Variants in ANOS1 observed in about 807,000 individuals in gnomAD.
ANOS1 encodes anosmin 1, also known as anosmin-1.
Under a neutral mutation model 59.0 loss-of-function variants are expected in ANOS1, and 6 were observed. That is an observed-to-expected ratio of 0.10 (90% CI 0.06 to 0.20). ANOS1 has a LOEUF of 0.20. Ranked by LOEUF, ANOS1 falls within the 10% of genes least tolerant of loss-of-function variation. The pLI is 1.00. For missense variants in ANOS1, 433 were observed against 542.3 expected, an observed-to-expected ratio of 0.80 and a Z score of 2.00; for synonymous variants, 217 against 223.4, an observed-to-expected ratio of 0.97 and a Z score of 0.25.
chrX:8,720,671 G>A (rs1157898359), intron 1 of ANOS1, among the ~76,000 whole-genome samples: 2 of 111,470 alleles, frequency 1.8e-5, no homozygotes, highest in African/African-American at 3.3e-5. Flanking sequence ...GGAGGCTGAT[G>A]CAACAGAATC....
Position 8,530,375 on chromosome X carries a change from T to G in ANOS1, c.*2620A>C, listed in dbSNP as rs1373588774. On this transcript the variant is annotated 3_prime_UTR_variant, in exon 14 of 14. Transcript: ENST00000262648. ...ATATTACAGAATTAGGCACCAAAACTATGTTTGTTAAAAAGCATAGATTTT... is the reference window on the plus strand; with the variant it reads ...ATATTACAGAATTAGGCACCAAAACGATGTTTGTTAAAAAGCATAGATTTT... 8.9e-6 allele frequency: 1 copy of G among 111,983 alleles called. No individual in the cohort carries two copies. The highest frequency in any genetic ancestry group is 1.9e-5 in the Non-Finnish European group (1 of 53,184). The allele number at this position is 111,983 out of a possible 1,213,427, so 9.2% of individuals were successfully genotyped here. A position where few individuals can be genotyped will look rare whatever the true frequency, so the allele number is the denominator to read the frequency against.
intron 4 of ANOS1, among the ~76,000 whole-genome samples, chrX:8,594,658 G>GTATATATATATATATATATA (rs767812487): frequency 2.4e-4 from 8 of 33,550 alleles, no homozygotes; most frequent in Admixed American, 4.6e-4. Context: ...ATATATATGT[G>GTATATATATATATATATATA]TATATATATA....
chrX:8,671,280 C>T (rs1932249925), intron 2 of ANOS1, among the ~76,000 whole-genome samples: 1 of 111,705 alleles, frequency 9.0e-6, no homozygotes, highest in Non-Finnish European at 1.9e-5. Context: ...ATTGTACGTG[C>T]TCTTCTCTTT....
chrX:8,730,817 C>T (rs1328344185), intron 1 of ANOS1, among the ~76,000 whole-genome samples: 3 of 112,487 alleles, frequency 2.7e-5, no homozygotes, highest in African/African-American at 9.7e-5. Flanking sequence ...GAAAAATAAG[C>T]GGAGGATTTC....
intron 10 of ANOS1, among the ~76,000 whole-genome samples, chrX:8,539,142 A>T (rs1244429234): frequency 9.1e-6 from 1 of 109,778 alleles, no homozygotes; most frequent in Non-Finnish European, 1.9e-5. Flanking sequence ...CAGAGTTGCT[A>T]TCCTCAGAGA....
chrX:8,621,746 G>A lies in ANOS1; in HGVS notation c.318+1862C>T, dbSNP rs756544133. On this transcript the variant is annotated intron_variant, in intron 3 of 13. Coordinates refer to ENST00000262648, the MANE Select transcript of ANOS1 (RefSeq NM_000216.4). ...TGATTTAACTGAATTCATAGAGTAA[G>A]TTGGTTTTGCAGTTAGGATTAGAAT... Among the ~76,000 whole-genome samples, 4 of 111,693 alleles carry A rather than the reference G, an allele frequency of 3.6e-5. No individual in the cohort carries two copies. The South Asian group carries it at 1.5e-3, about 42-fold the overall frequency.
intron 2 of ANOS1, among the ~76,000 whole-genome samples, chrX:8,648,472 A>AAAAGAAC (rs1289342087): frequency 1.8e-5 from 2 of 110,195 alleles, no homozygotes; most frequent in East Asian, 5.6e-4. Context: ...AAAAAAAAAA[A>AAAAGAAC]AAAAGAACAA....
chrX:8,663,944 C>A (rs1212770118), intron 2 of ANOS1, among the ~76,000 whole-genome samples: 1 of 111,234 alleles, frequency 9.0e-6, no homozygotes, highest in East Asian at 2.8e-4. Context: ...CAAACTAACA[C>A]AGGAGCAGAA....
chrX:8,725,247 C>T (rs1357268759), intron 1 of ANOS1, among the ~76,000 whole-genome samples: 1 of 110,826 alleles, frequency 9.0e-6, no homozygotes, highest in Non-Finnish European at 1.9e-5. Context: ...ACCAAGTAAT[C>T]CATTGGAACT....
In ANOS1 at chrX:8,640,631, G is replaced by GT. The variant is rs1293138238; in HGVS notation, c.256-16962dup. On this transcript the variant is annotated intron_variant, in intron 2 of 13. Transcript: ENST00000262648. ...AACTGTTGGAAAGGTCGCATTTCTTGTTTTTTTTTTCTCTTGTAATATAAT... is the reference window on the plus strand; with the variant it reads ...AACTGTTGGAAAGGTCGCATTTCTTGTTTTTTTTTTTCTCTTGTAATATAAT... Among the ~76,000 whole-genome samples the GT allele has an allele frequency of 1.6e-3, 158 of 100,216 alleles. 1 individual carries two copies. The highest frequency in any genetic ancestry group is 2.0e-3 in the Non-Finnish European group (98 of 49,523). The allele number at this position is 100,216 out of a possible 115,157, so 87.0% of individuals were successfully genotyped here.
chrX:8,608,092 C>T (rs1479941368), intron 3 of ANOS1, among the ~76,000 whole-genome samples: 1 of 111,774 alleles, frequency 8.9e-6, no homozygotes, highest in African/African-American at 3.2e-5. Context: ...AGCAAGATAA[C>T]TGCTGTACAA....
chrX:8,720,949 A>G (rs1932871267), intron 1 of ANOS1, among the ~76,000 whole-genome samples: 1 of 111,500 alleles, frequency 9.0e-6, no homozygotes, highest in Non-Finnish European at 1.9e-5. Context: ...AAATTTGTAA[A>G]GAAAGTAATT....
At chrX:8,583,136 T>C (rs1368378605) in intron 6 of ANOS1, among the ~76,000 whole-genome samples, 5 of 109,820 alleles carry the variant, frequency 4.6e-5, no homozygotes, top group African/African-American at 1.7e-4. Context: ...TTTTTTTTTT[T>C]TCCCAAATAG....
rs200629321 is a variant in ANOS1, at chrX:8,537,285, T to TA, written c.1450-344dup. Among the ~76,000 whole-genome samples, 312 of 111,490 alleles carry TA rather than the reference T, an allele frequency of 2.8e-3. 4 individuals are homozygous for TA. The highest frequency in any genetic ancestry group is 0.016 in the Admixed American group (171 of 10,467). On this transcript the variant is annotated intron_variant, in intron 10 of 13. Coordinates refer to ENST00000262648, the MANE Select transcript of ANOS1 (RefSeq NM_000216.4). ...AAATACAAATCTAACTTTTTTCAGT[T>TA]AAAAAAAACTAACGCAGGCTTCTCT...
intron 4 of ANOS1, 51 bp from the exon 5 acceptor site, chrX:8,588,029 A>T (rs1471205296): frequency 2.9e-6 from 3 of 1,051,525 alleles, no homozygotes; most frequent in Non-Finnish European, 4.0e-6. Context: ...CTCAAATTGA[A>T]GTAAAAGTTG....
At chrX:8,726,727 G>A (rs1932923570) in intron 1 of ANOS1, among the ~76,000 whole-genome samples, 1 of 112,290 alleles carries the variant, frequency 8.9e-6, no homozygotes, top group Admixed American at 9.4e-5. Context: ...ATCATGGGCA[G>A]ACCCAGAGGA....
intron 4 of ANOS1, among the ~76,000 whole-genome samples, chrX:8,591,026 T>C (rs1930606956): frequency 8.9e-6 from 1 of 111,804 alleles, no homozygotes; most frequent in Non-Finnish European, 1.9e-5. Flanking sequence ...TTTATTACAC[T>C]GACCATAGGA....
rs188041406 is a variant in ANOS1, at chrX:8,726,661, C to T, written c.207+5169G>A. On this transcript the variant is annotated intron_variant, in intron 1 of 13. Transcript: ENST00000262648. The stretch of plus-strand genomic sequence containing the variant: ...TTGCCAATGGCAGGTCCCAAGCCTG[C>T]CCATGCTTAGGGAACTGATTATGTT... Among the ~76,000 whole-genome samples the T allele has an allele frequency of 1.4e-3, 162 of 112,750 alleles. 1 individual carries two copies. The highest frequency in any genetic ancestry group is 5.1e-3 in the African/African-American group (159 of 31,058).
intron 2 of ANOS1, among the ~76,000 whole-genome samples, chrX:8,662,161 C>T (rs186901023): frequency 2.2e-3 from 247 of 111,689 alleles, no homozygotes; most frequent in African/African-American, 7.5e-3. Context: ...CAGCTCTGCT[C>T]TTAATGCAGG....
Sources: gnomAD v4.1 joint callset for allele counts (sites outside exome capture counted in the v4.1 genomes callset) on GRCh38, gnomAD v4.1.1 for gene constraint, MANE v1.5 for transcripts, NCBI Gene and HGNC (gene_info 2026-07-23, HGNC 2026-07-21) for gene names.